THSD7B: variants seen among roughly 807,000 people sequenced by gnomAD.
The protein encoded by THSD7B is thrombospondin type-1 domain-containing protein 7B.
Under a neutral mutation model 213.6 loss-of-function variants are expected in THSD7B, and 138 were observed. The ratio of observed to expected loss-of-function variants is 0.65; its 90% CI spans 0.56 to 0.74. The LOEUF is 0.74. Among genes scored for constraint, THSD7B ranks in the 30% least tolerant of loss-of-function variants. THSD7B has a pLI of 0.00. For synonymous variants in THSD7B, 742 were observed against 687.0 expected (o/e 1.08, Z -1.25); for missense variants, 1,931 against 1,991.5 (o/e 0.97, Z 0.58).
chr2:136,969,244 A>T (rs1236276832), intron 2 of THSD7B, among the ~76,000 whole-genome samples: 1 of 152,114 alleles, frequency 6.6e-6, no homozygotes, highest in African/African-American at 2.4e-5. Flanking sequence ...AATCTAGCTT[A>T]TCCTCAAGTC....
chr2:136,828,639 G>C (rs1315425419), intron 1 of THSD7B, among the ~76,000 whole-genome samples: 1 of 152,164 alleles, frequency 6.6e-6, no homozygotes, highest in African/African-American at 2.4e-5. Flanking sequence ...TTGCATTCTT[G>C]ACACATGTTC....
intron 7 of THSD7B, among the ~76,000 whole-genome samples, chr2:137,204,114 C>A (rs912487922): frequency 6.6e-6 from 1 of 152,018 alleles, no homozygotes; most frequent in African/African-American, 2.4e-5. Context: ...ACAGTTCAGT[C>A]CTCTGGGGTT....
At chr2:136,888,957 G>A (rs1490894896) in intron 2 of THSD7B, among the ~76,000 whole-genome samples, 1 of 151,866 alleles carries the variant, frequency 6.6e-6, no homozygotes, top group Admixed American at 6.6e-5. Flanking sequence ...GTGTGTGTGT[G>A]TGTGTGTGTG....
At chr2:137,118,845 G>C (rs964142393) in intron 5 of THSD7B, among the ~76,000 whole-genome samples, 7 of 152,126 alleles carry the variant, frequency 4.6e-5, no homozygotes, top group African/African-American at 1.7e-4. Context: ...CACATGACTA[G>C]GGAGGCCTCA....
intron 27 of THSD7B, among the ~76,000 whole-genome samples, chr2:137,671,235 C>CTT (rs1281875074): frequency 9.4e-5 from 5 of 52,958 alleles, no homozygotes; most frequent in African/African-American, 2.1e-4. Flanking sequence ...TTATGATTTG[C>CTT]TTTTTTTTTT....
At chr2:137,142,648 A>T (rs918890321) in intron 5 of THSD7B, among the ~76,000 whole-genome samples, 35 of 152,226 alleles carry the variant, frequency 2.3e-4, no homozygotes, top group Non-Finnish European at 2.4e-4. Context: ...CTTAATATTT[A>T]TAACTTTTAT....
At chr2:137,667,913 G>T (rs1298369066) in intron 27 of THSD7B, 52 bp downstream of exon 27, 1 of 1,426,686 alleles carries the variant, frequency 7.0e-7, no homozygotes, top group African/African-American at 1.4e-5. Context: ...TGGATTTCAT[G>T]TTATACTTAA....
chr2:137,204,086 A>C (rs1281160077), intron 7 of THSD7B, among the ~76,000 whole-genome samples: 3 of 152,094 alleles, frequency 2.0e-5, no homozygotes, highest in African/African-American at 7.2e-5. Context: ...TGATAATTGG[A>C]ATAGAATGAT....
At position 137,287,779 on chromosome 2, in the gene THSD7B, G is replaced by C. The variant is rs532832827; in HGVS notation, c.2500+11753G>C. ...TGATGTTGGATGTGAAGATGGGTGG[G>C]TGGGGGTAATTTTTTTTAAATTGGT... On this transcript the variant is annotated intron_variant, in intron 12 of 27. Transcript: ENST00000409968. Among the ~76,000 whole-genome samples the C allele has an allele frequency of 3.4e-5, 5 of 148,770 alleles. No homozygotes were observed. The East Asian group carries it at 1.2e-3, about 36-fold the overall frequency.
chr2:137,194,199 C>CA (rs1680714700), intron 7 of THSD7B, among the ~76,000 whole-genome samples: 1 of 152,168 alleles, frequency 6.6e-6, no homozygotes, highest in African/African-American at 2.4e-5. Flanking sequence ...ACACCAAGTC[C>CA]AGTGAGCTGT....
chr2:137,383,366 C>T (rs553550312), intron 12 of THSD7B, among the ~76,000 whole-genome samples: 54 of 152,296 alleles, frequency 3.5e-4, no homozygotes, highest in African/African-American at 1.3e-3. Context: ...GTCCAGGGTT[C>T]CACCCTGTGG....
intron 17 of THSD7B, among the ~76,000 whole-genome samples, chr2:137,585,629 A>G (rs560687312): frequency 6.6e-6 from 1 of 151,494 alleles, no homozygotes; most frequent in Non-Finnish European, 1.5e-5. Context: ...GTTGTTCAGT[A>G]TCCATGTAGT....
At chr2:137,195,633 C>T (rs1008848745) in intron 7 of THSD7B, among the ~76,000 whole-genome samples, 4 of 151,978 alleles carry the variant, frequency 2.6e-5, no homozygotes, top group Admixed American at 2.0e-4. Context: ...AAGTATAAAT[C>T]TGCTTGATAT....
chr2:137,072,631 C>G (rs1355153961), intron 3 of THSD7B, among the ~76,000 whole-genome samples: 3 of 152,114 alleles, frequency 2.0e-5, no homozygotes, highest in Admixed American at 6.6e-5. Flanking sequence ...CCAGAACTTC[C>G]AACACTGTGT....
At chr2:136,786,255 A>G (rs1681846361) in intron 1 of THSD7B, among the ~76,000 whole-genome samples, 1 of 152,218 alleles carries the variant, frequency 6.6e-6, no homozygotes, top group Non-Finnish European at 1.5e-5. Context: ...GTATACATAT[A>G]TGTATATATG....
chr2:137,619,937 G>C (rs1447274242), intron 19 of THSD7B, among the ~76,000 whole-genome samples: 3 of 152,110 alleles, frequency 2.0e-5, no homozygotes, highest in Non-Finnish European at 2.9e-5. Flanking sequence ...TTCCTAATAA[G>C]CACAGAAATA....
At chr2:137,180,779 G>A (rs961965892) in intron 7 of THSD7B, among the ~76,000 whole-genome samples, 1 of 152,148 alleles carries the variant, frequency 6.6e-6, no homozygotes, top group Non-Finnish European at 1.5e-5. Context: ...CATGTCACAT[G>A]TACCAACTAC....
chr2:137,524,093 C>T (rs1167742460), intron 15 of THSD7B, among the ~76,000 whole-genome samples: 1 of 152,052 alleles, frequency 6.6e-6, no homozygotes, highest in African/African-American at 2.4e-5. Flanking sequence ...CCAACAATGA[C>T]AACAACAGAA....
At chr2:137,415,672 T>G (rs866399254) in intron 14 of THSD7B, among the ~76,000 whole-genome samples, 4,457 of 147,824 alleles carry the variant, frequency 0.03, 86 homozygotes, top group Non-Finnish European at 0.045. Flanking sequence ...GTGTTTTTTT[T>G]TTTTTTTTTT....
Sources: allele counts gnomAD v4.1 joint callset (sites outside exome capture counted in the v4.1 genomes callset), GRCh38; gene constraint gnomAD v4.1.1; transcripts MANE v1.5; gene names NCBI Gene and HGNC (gene_info 2026-07-23, HGNC 2026-07-21).